The following PDE4D variants were observed in gnomAD, a reference collection of about 807,000 sequenced individuals.
The protein encoded by PDE4D is phosphodiesterase 4D.
In PDE4D, 24 loss-of-function variants were observed where a neutral mutation model predicts 87.4. The ratio of observed to expected loss-of-function variants is 0.27; its 90% CI spans 0.20 to 0.39. PDE4D has a LOEUF of 0.39. PDE4D is among the 10% of genes least tolerant of loss of function. The probability of loss-of-function intolerance (pLI) is 1.00; values close to 1 mark genes in which losing one functional copy is unlikely to be tolerated. For synonymous variants in PDE4D, 384 were observed against 383.2 expected (o/e 1.00, Z -0.02); for missense variants, 714 against 1,041.0 (o/e 0.69, Z 4.32).
At chr5:59,649,990 A>C (rs1260513570) in intron 1 of PDE4D, among the ~76,000 whole-genome samples, 1 of 137,252 alleles carries the variant, frequency 7.3e-6, no homozygotes, top group African/African-American at 2.7e-5. Flanking sequence ...TTTTGTGTAG[A>C]AGTAAAAGAA....
intron 1 of PDE4D, among the ~76,000 whole-genome samples, chr5:59,734,403 G>A (rs1210515012): frequency 1.3e-5 from 2 of 152,044 alleles, no homozygotes; most frequent in African/African-American, 4.8e-5. Context: ...TTTGTCCTAA[G>A]AATTTACAAT....
intron 1 of PDE4D, among the ~76,000 whole-genome samples, chr5:59,625,089 T>C (rs769919652): frequency 2.2e-4 from 34 of 152,334 alleles, no homozygotes; most frequent in Middle Eastern, 6.8e-3. Flanking sequence ...TCAGCTGACC[T>C]TAAGATAAGA....
chr5:60,121,474 T>C (rs187636839), intron 2 of PDE4D, among the ~76,000 whole-genome samples: 1 of 152,186 alleles, frequency 6.6e-6, no homozygotes, highest in African/African-American at 2.4e-5. Context: ...CTCACAATCA[T>C]GGCAGGAGGC....
At chr5:59,307,686 G>T (rs957316886) in intron 1 of PDE4D, among the ~76,000 whole-genome samples, 24 of 151,344 alleles carry the variant, frequency 1.6e-4, no homozygotes, top group African/African-American at 5.6e-4. Flanking sequence ...AGTTAGAATG[G>T]CAATCATTCA....
At chr5:60,122,820 G>A (rs1018142215) in intron 2 of PDE4D, among the ~76,000 whole-genome samples, 1 of 152,070 alleles carries the variant, frequency 6.6e-6, no homozygotes, top group Non-Finnish European at 1.5e-5. Context: ...CTATCACATT[G>A]TCAGGCTACA....
At chr5:59,266,880 G>A (rs1762943963) in intron 1 of PDE4D, among the ~76,000 whole-genome samples, 1 of 151,942 alleles carries the variant, frequency 6.6e-6, no homozygotes, top group Non-Finnish European at 1.5e-5. Flanking sequence ...AACAAATATG[G>A]GATGTAGTTT....
At chr5:59,448,461 G>A (rs1397436715) in intron 1 of PDE4D, among the ~76,000 whole-genome samples, 1 of 152,082 alleles carries the variant, frequency 6.6e-6, no homozygotes, top group Admixed American at 6.5e-5. Flanking sequence ...ATACATCTGG[G>A]TATTACTTCA....
chr5:60,282,210 T>TATATATATAC (rs1751990591), intron 1 of PDE4D, among the ~76,000 whole-genome samples: 1 of 28,180 alleles, frequency 3.5e-5, no homozygotes, highest in African/African-American at 3.0e-4. Context: ...GAAATAAACA[T>TATATATATAC]ATATATATAT....
intron 1 of PDE4D, among the ~76,000 whole-genome samples, chr5:59,292,848 G>C (rs746843006): frequency 5.3e-5 from 8 of 152,140 alleles, no homozygotes; most frequent in Non-Finnish European, 7.4e-5. Context: ...GTGGGATCTG[G>C]AAAGAAAGGG....
At chr5:59,500,295 C>T (rs1340702487) in intron 1 of PDE4D, among the ~76,000 whole-genome samples, 1 of 152,140 alleles carries the variant, frequency 6.6e-6, no homozygotes, top group East Asian at 1.9e-4. Flanking sequence ...ACCAAAAAGA[C>T]ACCTGCACTT....
chr5:60,488,962 A>G (rs1749365417), upstream of PDE4D, among the ~76,000 whole-genome samples: 1 of 152,188 alleles, frequency 6.6e-6, no homozygotes. Context: ...TTTCTTTACA[A>G]TAGTATCCTT....
chr5:59,569,493 A>G (rs1257639986), intron 1 of PDE4D, among the ~76,000 whole-genome samples: 1 of 152,170 alleles, frequency 6.6e-6, no homozygotes, highest in African/African-American at 2.4e-5. Context: ...CAGCAAATCA[A>G]TGTTATCATC....
chr5:60,332,819 A>G (rs1007885078), intron 1 of PDE4D, among the ~76,000 whole-genome samples: 4 of 152,222 alleles, frequency 2.6e-5, no homozygotes, highest in African/African-American at 9.6e-5. Flanking sequence ...TCTCTCTGTC[A>G]AGGAGACATG....
chr5:59,638,927 A>G (rs1457027297), intron 1 of PDE4D, among the ~76,000 whole-genome samples: 1 of 152,168 alleles, frequency 6.6e-6, no homozygotes. Context: ...GGTCAGTCAC[A>G]GTTTCTTGCC....
intron 1 of PDE4D, among the ~76,000 whole-genome samples, chr5:59,741,552 T>C (rs1408837967): frequency 6.6e-6 from 1 of 152,190 alleles, no homozygotes; most frequent in African/African-American, 2.4e-5. Context: ...TATATAAAGT[T>C]GCCGTATATT....
intron 1 of PDE4D, among the ~76,000 whole-genome samples, chr5:59,753,317 T>C (rs993445258): frequency 1.3e-5 from 2 of 151,950 alleles, no homozygotes; most frequent in Non-Finnish European, 2.9e-5. Flanking sequence ...ATAGGTGAAA[T>C]AATCCATAGG....
chr5:59,672,308 T>C (rs1747350244), intron 1 of PDE4D, among the ~76,000 whole-genome samples: 2 of 152,162 alleles, frequency 1.3e-5, no homozygotes, highest in South Asian at 2.1e-4. Flanking sequence ...GGCTCAGAGA[T>C]AATTATTATG....
chr5:59,646,604 TA>T (rs1278802595), intron 1 of PDE4D, among the ~76,000 whole-genome samples: 1 of 152,236 alleles, frequency 6.6e-6, no homozygotes, highest in African/African-American at 2.4e-5. Context: ...TAAATATCTT[TA>T]TATATAAAAC....
intron 1 of PDE4D, among the ~76,000 whole-genome samples, chr5:59,445,993 C>CA (rs1798286519): frequency 6.6e-6 from 1 of 152,054 alleles, no homozygotes; most frequent in Admixed American, 6.6e-5. Flanking sequence ...ATAGAGTCCC[C>CA]AGTAACTAAA....
Sources: gnomAD v4.1 joint callset for allele counts (sites outside exome capture counted in the v4.1 genomes callset) on GRCh38, gnomAD v4.1.1 for gene constraint, MANE v1.5 for transcripts, NCBI Gene and HGNC (gene_info 2026-07-23, HGNC 2026-07-21) for gene names.